Variants in UBE3C observed in about 807,000 individuals in gnomAD.
UBE3C encodes the protein ubiquitin-protein ligase E3C.
Under a neutral mutation model 129.4 loss-of-function variants are expected in UBE3C, and 42 were observed. That is an observed-to-expected ratio of 0.32 (90% CI 0.25 to 0.42). The LOEUF (loss-of-function observed/expected upper bound fraction) is 0.42, where lower values mean the gene tolerates loss of function less well. UBE3C is among the 10% of genes least tolerant of loss of function. The probability of loss-of-function intolerance (pLI) is 1.00; values close to 1 mark genes in which losing one functional copy is unlikely to be tolerated. For missense variants in UBE3C, 1,049 were observed against 1,319.1 expected (o/e 0.80, Z 3.17); for synonymous variants, 510 against 492.4 (o/e 1.04, Z -0.47).
chr7:157,189,119 G>T, intron 10 of UBE3C: 3 of 406,778 alleles, frequency 7.4e-6, no homozygotes, highest in Non-Finnish European at 1.3e-5. Context: ...AAGAAACTTG[G>T]AAGCATATAC....
At chr7:157,198,326 T>C in intron 10 of UBE3C, 1 of 806,058 alleles carries the variant, frequency 1.2e-6, no homozygotes, top group South Asian at 1.3e-5. Context: ...AGATTTGCGC[T>C]TCACTTCATC....
intron 18 of UBE3C, among the ~76,000 whole-genome samples, chr7:157,239,620 T>C (rs575674974): frequency 3.0e-4 from 45 of 152,186 alleles, no homozygotes; most frequent in African/African-American, 9.6e-4. Context: ...GGAGAAGAAT[T>C]GGGGGACTGG....
chr7:157,188,022 T>C (rs1176673774), intron 10 of UBE3C, among the ~76,000 whole-genome samples: 4 of 152,224 alleles, frequency 2.6e-5, no homozygotes, highest in Admixed American at 1.3e-4. Flanking sequence ...TAAATAATTG[T>C]GACAATAATC....
At chr7:157,221,508 C>T (rs543884052) in intron 15 of UBE3C, 2 of 152,228 alleles carry the variant, frequency 1.3e-5, no homozygotes, top group Non-Finnish European at 2.9e-5. Context: ...TTTAGGAGGC[C>T]GAGGTGGGCG....
intron 1 of UBE3C, among the ~76,000 whole-genome samples, chr7:157,143,815 A>G (rs777959790): frequency 6.6e-6 from 1 of 152,294 alleles, no homozygotes; most frequent in Non-Finnish European, 1.5e-5. Flanking sequence ...TATCAACAGA[A>G]TGGTGGCTTC....
chr7:157,143,206 A>G (rs1024522818), intron 1 of UBE3C, among the ~76,000 whole-genome samples: 2 of 152,098 alleles, frequency 1.3e-5, no homozygotes, highest in Non-Finnish European at 2.9e-5. Flanking sequence ...CTATCTTTAA[A>G]TATTTCTGAC....
At chr7:157,227,165 C>T (rs191971474) in intron 17 of UBE3C, among the ~76,000 whole-genome samples, 48 of 152,204 alleles carry the variant, frequency 3.2e-4, no homozygotes, top group African/African-American at 9.9e-4. Flanking sequence ...TGTGACAAAA[C>T]AATGAGTTTG....
At chr7:157,181,722 T>G (rs1808671833) in intron 7 of UBE3C, 51 bp downstream of exon 7, 1 of 1,582,234 alleles carries the variant, frequency 6.3e-7, no homozygotes, top group African/African-American at 1.4e-5. Context: ...GATCTATATC[T>G]GATGGTAACT....
chr7:157,251,965 C>T (rs925363703), intron 19 of UBE3C, among the ~76,000 whole-genome samples: 19 of 151,998 alleles, frequency 1.3e-4, no homozygotes, highest in African/African-American at 4.1e-4. Flanking sequence ...GAAACCCTGT[C>T]TCTACTAAAA....
intron 1 of UBE3C, among the ~76,000 whole-genome samples, chr7:157,142,485 G>C (rs1807481225): frequency 6.6e-6 from 1 of 152,186 alleles, no homozygotes. Context: ...TCCTGATTCA[G>C]AAAAAGTAGA....
At chr7:157,263,784 G>A (rs1354232076) in intron 22 of UBE3C, among the ~76,000 whole-genome samples, 1 of 143,316 alleles carries the variant, frequency 7.0e-6, no homozygotes, top group Non-Finnish European at 1.5e-5. Context: ...TTCAGTAAAA[G>A]TAATGTTTTC....
At chr7:157,144,189 C>G (rs1012499883) in intron 1 of UBE3C, among the ~76,000 whole-genome samples, 1 of 152,186 alleles carries the variant, frequency 6.6e-6, no homozygotes. Context: ...TCTGCCACAC[C>G]GAAGACTGAG....
At chr7:157,190,843 CA>C (rs536001501) in intron 10 of UBE3C, among the ~76,000 whole-genome samples, 1 of 152,100 alleles carries the variant, frequency 6.6e-6, no homozygotes, top group African/African-American at 2.4e-5. Flanking sequence ...ATAAATGAGG[CA>C]AAAAGGCATA....
At position 157,207,692 on chromosome 7, in the gene UBE3C, G is replaced by A. The variant is rs371215767; in HGVS notation, c.1577-11G>A. 6.2e-7 allele frequency: 1 copy of A among 1,608,028 alleles called. No individual in the cohort carries two copies. Among genetic ancestry groups the A allele is most frequent in the Non-Finnish European group, 8.5e-7 (1 of 1,178,196 alleles). ...AAAAGAAACAATAGAAAACTGGATT[G>A]TGTTTTTTAGTTGTAGGTCAAAGAC... On this transcript the variant is annotated splice_polypyrimidine_tract_variant and intron_variant, in intron 12 of 22. Coordinates refer to ENST00000348165, the MANE Select transcript of UBE3C (RefSeq NM_014671.3).
At chr7:157,195,416 A>G (rs1294604584) in intron 10 of UBE3C, among the ~76,000 whole-genome samples, 17 of 152,246 alleles carry the variant, frequency 1.1e-4, no homozygotes, top group African/African-American at 3.9e-4. Flanking sequence ...AAAAGTAAAG[A>G]TGATTGAGAC....
intron 21 of UBE3C, among the ~76,000 whole-genome samples, chr7:157,254,917 A>AGCGTGGTGGCGTACACCTGCAGTCCCG (rs1294731380): frequency 2.5e-5 from 3 of 120,864 alleles, no homozygotes; most frequent in East Asian, 5.6e-4. Flanking sequence ...CTGCAGTCCC[A>AGCGTGGTGGCGTACACCTGCAGTCCCG]GCGTGGTGGC....
intron 1 of UBE3C, among the ~76,000 whole-genome samples, chr7:157,150,965 C>T (rs999061503): frequency 1.3e-5 from 2 of 152,200 alleles, no homozygotes; most frequent in Non-Finnish European, 2.9e-5. Flanking sequence ...AGAGTCAGTT[C>T]TCGGCCGCTT....
At chr7:157,190,715 T>C (rs1030914324) in intron 10 of UBE3C, among the ~76,000 whole-genome samples, 5 of 152,046 alleles carry the variant, frequency 3.3e-5, no homozygotes, top group African/African-American at 1.2e-4. Context: ...AGACTCCCTT[T>C]GCTTTTAGGA....
chr7:157,193,104 G>T (rs978607420), intron 10 of UBE3C, among the ~76,000 whole-genome samples: 1 of 152,164 alleles, frequency 6.6e-6, no homozygotes, highest in African/African-American at 2.4e-5. Flanking sequence ...TTAGCTCCTA[G>T]TTTGTGAAGA....
Sources: gnomAD v4.1 joint callset for allele counts (sites outside exome capture counted in the v4.1 genomes callset) on GRCh38, gnomAD v4.1.1 for gene constraint, MANE v1.5 for transcripts, NCBI Gene and HGNC (gene_info 2026-07-23, HGNC 2026-07-21) for gene names.